NLRC5: variants seen among roughly 807,000 people sequenced by gnomAD.
NLRC5 encodes the protein protein NLRC5.
Under a neutral mutation model 206.9 loss-of-function variants are expected in NLRC5, and 114 were observed. That is an observed-to-expected ratio of 0.55 (90% CI 0.47 to 0.64). NLRC5 has a LOEUF of 0.64. Among genes scored for constraint, NLRC5 ranks in the 30% least tolerant of loss-of-function variants. NLRC5 has a pLI of 0.00. For synonymous variants in NLRC5, 952 were observed against 962.8 expected (o/e 0.99, Z 0.21); for missense variants, 2,008 against 2,305.5 (o/e 0.87, Z 2.64).
chr16:57,045,393 C>T, intron 20 of NLRC5, 55 bp from the exon 21 acceptor site: 1 of 1,599,652 alleles, frequency 6.3e-7, no homozygotes, highest in African/African-American at 1.3e-5. Context: ...CTTGCCACTG[C>T]CAGGGAAGTT....
rs55771374 is a variant in NLRC5, at chr16:57,040,038, C to T, written c.2870+189C>T. On this transcript the variant is annotated intron_variant, in intron 16 of 48. Coordinates refer to ENST00000688547, the MANE Select transcript of NLRC5 (RefSeq NM_001384950.1). ...GGAGGGTCCAAATCCAGACCACCTC[C>T]GCCTCTCATGGTGCCTGAAAGGAGC... Among the ~76,000 whole-genome samples, 539 of 152,320 alleles carry T rather than the reference C, an allele frequency of 3.5e-3. 1 individual carries two copies. Among genetic ancestry groups the T allele is most frequent in the Non-Finnish European group, 6.8e-3 (460 of 68,018 alleles).
Position 57,077,837 on chromosome 16 carries a change from GC to G in NLRC5, c.5003+41del, listed in dbSNP as rs754222756. On this transcript the variant is annotated intron_variant, in intron 42 of 48. Transcript: ENST00000688547. ...TGCCCAGGTGGCCTCTGCCCTCTGT[GC>G]CCCCCAGGTCCACCTGGCCTCCTCT... 24 of 1,588,322 alleles carry G rather than the reference GC, an allele frequency of 1.5e-5. 1 individual carries two copies. The South Asian group carries it at 2.3e-4, about 15-fold the overall frequency.
At chr16:57,007,953 T>C (rs750198024) in intron 1 of NLRC5, among the ~76,000 whole-genome samples, 1 of 152,248 alleles carries the variant, frequency 6.6e-6, no homozygotes, top group Non-Finnish European at 1.5e-5. Flanking sequence ...TTTGACCTTA[T>C]CTGTGGTATT....
intron 1 of NLRC5, among the ~76,000 whole-genome samples, chr16:57,011,956 TG>T (rs1174371039): frequency 6.6e-6 from 1 of 152,222 alleles, no homozygotes; most frequent in Non-Finnish European, 1.5e-5. Flanking sequence ...CAGTGATTTC[TG>T]GTAAATTTAC....
Position 57,035,989 on chromosome 16 carries a change from T to C in NLRC5, c.2628-111T>C, listed in dbSNP as rs547741386. 685 of 985,696 alleles carry C rather than the reference T, an allele frequency of 6.9e-4. 1 individual carries two copies. The highest frequency in any genetic ancestry group is 8.6e-4 in the Non-Finnish European group (547 of 632,446). The allele number at this position is 985,696 out of a possible 1,614,324, so 61.1% of individuals were successfully genotyped here. A position where few individuals can be genotyped will look rare whatever the true frequency, so the allele number is the denominator to read the frequency against. ...CTGTCGATTTCAGTTATTATCAAGG[T>C]TCATTCCTGAGAGTGACACTTTGAC... On this transcript the variant is annotated intron_variant, in intron 13 of 48. Coordinates refer to ENST00000688547, the MANE Select transcript of NLRC5 (RefSeq NM_001384950.1).
At chr16:57,073,450 G>T (rs2068013380) in intron 38 of NLRC5, among the ~76,000 whole-genome samples, 1 of 152,102 alleles carries the variant, frequency 6.6e-6, no homozygotes. Flanking sequence ...TCACTGCCTG[G>T]GTTCAACTCT....
At chr16:57,058,942 C>G (rs769180897) in intron 28 of NLRC5, 30 bp from the exon 29 acceptor site, 15 of 1,598,326 alleles carry the variant, frequency 9.4e-6, no homozygotes, top group Non-Finnish European at 1.2e-5. Context: ...CCTGCCCTCA[C>G]TCCCATTCTC....
At chr16:57,044,448 G>A (rs1158733344) in intron 20 of NLRC5, among the ~76,000 whole-genome samples, 5 of 152,116 alleles carry the variant, frequency 3.3e-5, no homozygotes, top group South Asian at 4.1e-4. Flanking sequence ...TCAGGGCACC[G>A]CATCCATGAT....
intron 1 of NLRC5, chr16:57,004,480 T>A (rs1306030175): frequency 6.6e-6 from 1 of 152,428 alleles, no homozygotes; most frequent in East Asian, 1.9e-4. Flanking sequence ...TGGTCACAGT[T>A]CCATGGTGTG....
intron 1 of NLRC5, among the ~76,000 whole-genome samples, chr16:57,008,912 TAA>T (rs1269172307): frequency 6.6e-6 from 1 of 152,116 alleles, no homozygotes; most frequent in Non-Finnish European, 1.5e-5. Flanking sequence ...TTTTCAAACA[TAA>T]GAGTTACCAA....
chr16:57,017,581 A>G (rs1336552177), intron 2 of NLRC5, among the ~76,000 whole-genome samples: 1 of 152,052 alleles, frequency 6.6e-6, no homozygotes, highest in Admixed American at 6.6e-5. Context: ...GTGTGGATTG[A>G]CTGGGATTGC....
At chr16:57,019,232 C>T (rs2060403066) in intron 2 of NLRC5, among the ~76,000 whole-genome samples, 1 of 152,136 alleles carries the variant, frequency 6.6e-6, no homozygotes, top group Non-Finnish European at 1.5e-5. Flanking sequence ...CCCATCTGTA[C>T]TAAAAATTAC....
At chr16:57,076,926 G>A (rs200897851) in intron 40 of NLRC5, 24 bp downstream of exon 40, 5 of 1,608,920 alleles carry the variant, frequency 3.1e-6, no homozygotes, top group Non-Finnish European at 4.3e-6. Flanking sequence ...TCTGCCCCCA[G>A]ACCCAGGACA....
In NLRC5 at chr16:57,058,117, C is replaced by G. The variant is rs779319734; in HGVS notation, c.3799C>G (p.Leu1267Val). ...DSGLRCLLECLPQVPISGLLD... is the reference protein window; with the variant it reads ...DSGLRCLLECVPQVPISGLLD... ...CGGACTCAGATGCCTTCTGGAATGT[C>G]TGCCGCAGGTGCCCATCTCCGGTTT... The change falls in exon 28 of 49, where the codon CTG becomes GTG. Residue 1267 changes from leucine (L) to valine (V), a missense_variant. Transcript: ENST00000688547. 1.1e-4 allele frequency: 185 copies of G among 1,611,224 alleles called. No homozygotes were observed. The highest frequency in any genetic ancestry group is 1.5e-4 in the Non-Finnish European group (181 of 1,178,562).
chr16:57,060,479 C>T (rs1414960220), intron 30 of NLRC5, among the ~76,000 whole-genome samples: 9 of 151,500 alleles, frequency 5.9e-5, no homozygotes, highest in Non-Finnish European at 1.0e-4. Context: ...ACACACAACA[C>T]ACAAACGCAC....
intron 32 of NLRC5, among the ~76,000 whole-genome samples, chr16:57,063,547 A>C (rs552209698): frequency 2.6e-5 from 4 of 152,152 alleles, no homozygotes; most frequent in African/African-American, 9.6e-5. Flanking sequence ...TTCTTTTTTT[A>C]AATATTATTT....
At chr16:56,989,890 G>A (rs4783963) in intron 1 of NLRC5, among the ~76,000 whole-genome samples, 2 of 152,114 alleles carry the variant, frequency 1.3e-5, no homozygotes, top group Non-Finnish European at 2.9e-5. Context: ...CCTGGATGGG[G>A]GGACACAGTA....
rs1193913287 is a variant in NLRC5, at chr16:57,023,856, G to C, written c.424+3G>C. 2.5e-6 allele frequency: 4 copies of C among 1,607,786 alleles called. No individual in the cohort carries two copies. Among genetic ancestry groups the C allele is most frequent in the Non-Finnish European group, 3.4e-6 (4 of 1,176,786 alleles). On this transcript the variant is annotated splice_donor_region_variant and intron_variant, in intron 5 of 48. Coordinates refer to ENST00000688547, the MANE Select transcript of NLRC5 (RefSeq NM_001384950.1). ...GCAGTGCAAGAAGCAGCAGCTAGGT[G>C]GGTACCAGTGTGGGGAGGAACATAA...
At chr16:57,077,575 T>C in intron 41 of NLRC5, 144 bp from the exon 42 acceptor site, 1 of 963,690 alleles carries the variant, frequency 1.0e-6, no homozygotes, top group Non-Finnish European at 1.5e-6. Context: ...TCTGGGCCTT[T>C]CTGCCTCATT....
Sources: gnomAD v4.1 joint callset for allele counts (sites outside exome capture counted in the v4.1 genomes callset) on GRCh38, gnomAD v4.1.1 for gene constraint, MANE v1.5 for transcripts, NCBI Gene and HGNC (gene_info 2026-07-23, HGNC 2026-07-21) for gene names.